The following HMG20A variants were observed in gnomAD, a reference collection of about 807,000 sequenced individuals.
The protein encoded by HMG20A is high mobility group protein 20A.
Under a neutral mutation model 43.9 loss-of-function variants are expected in HMG20A, and 17 were observed. That is an observed-to-expected ratio of 0.39 (90% confidence interval 0.27 to 0.58). The LOEUF is 0.58. Ranked by LOEUF, HMG20A falls within the 20% of genes least tolerant of loss-of-function variation. The pLI is 0.59. For missense variants in HMG20A, 341 were observed against 438.2 expected (o/e 0.78, Z 1.98); for synonymous variants, 132 against 147.5 (o/e 0.89, Z 0.76).
chr15:77,519,174 G>A, the HMG20A span, among the ~76,000 whole-genome samples: 1 of 152,194 alleles, frequency 6.6e-6, no homozygotes, highest in East Asian at 1.9e-4. Context: ...GGAAGAGGAA[G>A]CCCTGAGATG....
At chr15:77,506,253 G>A in the HMG20A span, among the ~76,000 whole-genome samples, 1 of 152,026 alleles carries the variant, frequency 6.6e-6, no homozygotes, top group African/African-American at 2.4e-5. Flanking sequence ...CCCGATCCCA[G>A]CCAAGCCGTC....
chr15:77,453,146 G>T (rs571124310), intron 1 of HMG20A, among the ~76,000 whole-genome samples: 1 of 152,124 alleles, frequency 6.6e-6, no homozygotes, highest in Admixed American at 6.5e-5. Flanking sequence ...CACAAGAATC[G>T]CTTGAACCCA....
intron 4 of HMG20A, 83 bp downstream of exon 4, chr15:77,467,390 A>C (rs1595927459): frequency 8.4e-7 from 1 of 1,191,422 alleles, no homozygotes; most frequent in Non-Finnish European, 1.2e-6. Context: ...AAGAGGATGG[A>C]CAGTTGATTC....
the HMG20A span, among the ~76,000 whole-genome samples, chr15:77,517,256 A>T: frequency 6.6e-6 from 1 of 152,052 alleles, no homozygotes; most frequent in Non-Finnish European, 1.5e-5. Context: ...ATCCTCTACA[A>T]TGTCTGTTTT....
At position 77,470,897 on chromosome 15, in the gene HMG20A, A is replaced by G. The variant is rs778119839; in HGVS notation, c.451-13A>G. On this transcript the variant is annotated splice_polypyrimidine_tract_variant and intron_variant, in intron 4 of 9. Coordinates refer to ENST00000336216, the MANE Select transcript of HMG20A (RefSeq NM_001304504.2). ...CTCATTTTCTTGAAAATAATTCTGT[A>G]TTTCTTTCCTAGCGCTACCTTGATG... 2.6e-6 allele frequency: 4 copies of G among 1,555,654 alleles called. No individual in the cohort carries two copies. The Admixed American group carries it at 6.7e-5, about 26-fold the overall frequency.
chr15:77,443,837 A>G (rs140148402), intron 1 of HMG20A, among the ~76,000 whole-genome samples: 3 of 151,818 alleles, frequency 2.0e-5, no homozygotes, highest in Admixed American at 2.0e-4. Context: ...CAGCCTCCCT[A>G]CTAGCTGGGA....
At chr15:77,458,701 T>G (rs2072679054) in intron 2 of HMG20A, 1 of 422,156 alleles carries the variant, frequency 2.4e-6, no homozygotes, top group African/African-American at 2.0e-5. Context: ...TTTTGTGAAC[T>G]GGTACAACAA....
Position 77,478,579 on chromosome 15 carries a change from A to C in HMG20A, c.907+69A>C, listed in dbSNP as rs1356686624. 2.5e-6 allele frequency: 3 copies of C among 1,193,788 alleles called. No individual in the cohort carries two copies. In the African/African-American group the frequency reaches 4.5e-5, roughly 18 times the overall value. The allele number at this position is 1,193,788 out of a possible 1,614,324, so 73.9% of individuals were successfully genotyped here. On this transcript the variant is annotated intron_variant, in intron 8 of 9. Transcript: ENST00000336216. ...TGTTGTGTGGAGTGGGGTGCTGTTT[A>C]TGTTAGTACTGGTGTGGAGAGATTG...
In HMG20A at chr15:77,451,336, A is replaced by G. The variant is rs577696288; in HGVS notation, c.-4-7068A>G. Among the ~76,000 whole-genome samples, 3 of 152,298 alleles carry G rather than the reference A, an allele frequency of 2.0e-5. No individual in the cohort carries two copies. In the South Asian group the frequency reaches 6.2e-4, roughly 32 times the overall value. On this transcript the variant is annotated intron_variant, in intron 1 of 9. Coordinates refer to ENST00000336216, the MANE Select transcript of HMG20A (RefSeq NM_001304504.2). ...AAGAGTATGTTTAATTTTGTAAAAA[A>G]CTTCCTGTCTTTTGAAATGTCTGTA...
intron 7 of HMG20A, among the ~76,000 whole-genome samples, chr15:77,477,961 G>A (rs1467310364): frequency 6.6e-6 from 1 of 152,128 alleles, no homozygotes; most frequent in Non-Finnish European, 1.5e-5. Context: ...GCTGTGCTTG[G>A]CCAGTCTCCC....
At chr15:77,473,571 C>G (rs2072829457) in intron 6 of HMG20A, among the ~76,000 whole-genome samples, 1 of 152,168 alleles carries the variant, frequency 6.6e-6, no homozygotes, top group African/African-American at 2.4e-5. Flanking sequence ...GCTGGCCAAA[C>G]TATATGTAGC....
the HMG20A span, among the ~76,000 whole-genome samples, chr15:77,509,128 T>C: frequency 6.6e-6 from 1 of 152,148 alleles, no homozygotes; most frequent in Non-Finnish European, 1.5e-5. Context: ...TGTAATGTGG[T>C]GAACTTCTGC....
chr15:77,434,962 C>G (rs923744058), intron 1 of HMG20A, among the ~76,000 whole-genome samples: 3 of 152,072 alleles, frequency 2.0e-5, no homozygotes, highest in African/African-American at 7.2e-5. Flanking sequence ...TCTTAATAGC[C>G]CAAATGTCCA....
chr15:77,474,634 T>C (rs1453318201), intron 6 of HMG20A, among the ~76,000 whole-genome samples: 1 of 152,204 alleles, frequency 6.6e-6, no homozygotes. Flanking sequence ...TAAAGAAACC[T>C]ATTGTATTCC....
At chr15:77,437,013 C>T (rs2142286477) in intron 1 of HMG20A, among the ~76,000 whole-genome samples, 1 of 152,218 alleles carries the variant, frequency 6.6e-6, no homozygotes, top group African/African-American at 2.4e-5. Context: ...TCACTTCCTC[C>T]AAAGCATCAA....
Position 77,470,909 on chromosome 15 carries a change from G to T in HMG20A, c.451-1G>T. The stretch of plus-strand genomic sequence containing the variant: ...AAAATAATTCTGTATTTCTTTCCTA[G>T]CGCTACCTTGATGAAGCAGACAGAG... On this transcript the variant is annotated splice_acceptor_variant, in intron 4 of 9. Transcript: ENST00000336216. LOFTEE classifies it high-confidence loss of function. 1 of 1,571,702 alleles carries T rather than the reference G, an allele frequency of 6.4e-7. No individual in the cohort carries two copies. Among genetic ancestry groups the T allele is most frequent in the Non-Finnish European group, 8.6e-7 (1 of 1,165,656 alleles).
the HMG20A span, among the ~76,000 whole-genome samples, chr15:77,503,549 T>C: frequency 1.3e-5 from 2 of 152,158 alleles, no homozygotes; most frequent in Non-Finnish European, 2.9e-5. Context: ...CTGATGCTTA[T>C]TCCTTATGTA....
the HMG20A span, among the ~76,000 whole-genome samples, chr15:77,503,097 T>C: frequency 2.6e-5 from 4 of 152,338 alleles, no homozygotes; most frequent in African/African-American, 9.6e-5. Context: ...TAGGTATTCT[T>C]TTTTAAGGAA....
At chr15:77,427,142 A>G (rs2073435563) in intron 1 of HMG20A, among the ~76,000 whole-genome samples, 2 of 152,116 alleles carry the variant, frequency 1.3e-5, no homozygotes, top group Non-Finnish European at 2.9e-5. Flanking sequence ...ACTGGGGAAG[A>G]TGGGAGAATA....
Sources: gnomAD v4.1 joint callset for allele counts (sites outside exome capture counted in the v4.1 genomes callset) on GRCh38, gnomAD v4.1.1 for gene constraint, MANE v1.5 for transcripts, NCBI Gene and HGNC (gene_info 2026-07-23, HGNC 2026-07-21) for gene names.